The following FAM167A variants were observed in gnomAD, a reference collection of about 807,000 sequenced individuals.
FAM167A encodes the protein protein FAM167A.
In FAM167A, 23 loss-of-function variants were observed where a neutral mutation model predicts 14.9. The observed-to-expected ratio is 1.55, with a 90% CI of 1.11 to 2.19. The LOEUF (loss-of-function observed/expected upper bound fraction) is 2.19. FAM167A is among the 30% of genes most tolerant of loss of function. FAM167A has a pLI of 0.00. For missense variants in FAM167A, 401 were observed against 281.5 expected (o/e 1.42, Z -3.04); for synonymous variants, 174 against 117.7 (o/e 1.48, Z -3.10).
chr8:11,454,600 T>A (rs1378546756), intron 1 of FAM167A, among the ~76,000 whole-genome samples: 1 of 152,178 alleles, frequency 6.6e-6, no homozygotes, highest in Non-Finnish European at 1.5e-5. Context: ...CACAGAAAAT[T>A]CAGGGTGGTG....
chr8:11,468,135 A>G (rs1396437853), upstream of FAM167A, among the ~76,000 whole-genome samples: 1 of 152,118 alleles, frequency 6.6e-6, no homozygotes, highest in Non-Finnish European at 1.5e-5. Flanking sequence ...AGCGCCTCCC[A>G]AGCCAGTTAC....
At chr8:11,472,229 C>G (rs777048383), upstream of FAM167A, among the ~76,000 whole-genome samples, 2 of 152,064 alleles carry the variant, frequency 1.3e-5, no homozygotes, top group Non-Finnish European at 2.9e-5. Context: ...CAGACATGAG[C>G]GATCACCTCC....
intron 1 of FAM167A, among the ~76,000 whole-genome samples, chr8:11,462,116 G>A (rs910357506): frequency 6.6e-6 from 1 of 152,248 alleles, no homozygotes; most frequent in African/African-American, 2.4e-5. Flanking sequence ...TGGGATGTGT[G>A]ACTTTGCTTC....
At chr8:11,457,081 C>G (rs549271964) in intron 1 of FAM167A, among the ~76,000 whole-genome samples, 6 of 8,322 alleles carry the variant, frequency 7.2e-4, no homozygotes, top group Non-Finnish European at 2.5e-4. Context: ...GGGAAGTGGG[C>G]GGGGCTGGGT....
rs1180347463 is a variant in FAM167A at position 11,444,444 on chromosome 8, G to C, written c.-33C>G. The C allele has an allele frequency of 1.3e-6, 2 of 1,513,736 alleles. No homozygotes were observed. The highest frequency in any genetic ancestry group is 1.8e-6 in the Non-Finnish European group (2 of 1,132,098). The allele number at this position is 1,513,736 out of a possible 1,614,324, so 93.8% of individuals were successfully genotyped here. ...TCTGCCCTGGCAGCCGGACATGCGA[G>C]GGCACGGGGGGCGCAGGGGGAGGCT... On this transcript the variant is annotated 5_prime_UTR_variant, in exon 2 of 3. Transcript: ENST00000284486.
intron 1 of FAM167A, among the ~76,000 whole-genome samples, chr8:11,456,062 T>TG (rs1807265516): frequency 4.3e-5 from 5 of 115,898 alleles, no homozygotes; most frequent in Admixed American, 9.1e-5. Context: ...GTTGCCTTGC[T>TG]GTGTGTGAGT....
At chr8:11,430,136 C>G (rs961078484) in intron 2 of FAM167A, among the ~76,000 whole-genome samples, 1 of 152,188 alleles carries the variant, frequency 6.6e-6, no homozygotes, top group South Asian at 2.1e-4. Flanking sequence ...AATTTCCAGT[C>G]CCCGCTCCCA....
At chr8:11,464,297 G>A (rs1807663799) in intron 1 of FAM167A, among the ~76,000 whole-genome samples, 3 of 152,198 alleles carry the variant, frequency 2.0e-5, no homozygotes, top group Admixed American at 2.0e-4. Context: ...GTCCTAACCA[G>A]GGAAAAGCTG....
intron 1 of FAM167A, among the ~76,000 whole-genome samples, chr8:11,453,310 C>T (rs1023657840): frequency 4.6e-5 from 7 of 152,220 alleles, no homozygotes; most frequent in Non-Finnish European, 1.0e-4. Flanking sequence ...GTAGCTGGAA[C>T]TGCAGGCATG....
chr8:11,433,333 A>G (rs530068567), intron 2 of FAM167A, among the ~76,000 whole-genome samples: 1 of 152,340 alleles, frequency 6.6e-6, no homozygotes, highest in African/African-American at 2.4e-5. Flanking sequence ...CAATGCACGG[A>G]CCACCAGACA....
At chr8:11,437,757 T>C (rs778827641) in intron 2 of FAM167A, among the ~76,000 whole-genome samples, 8 of 152,154 alleles carry the variant, frequency 5.3e-5, no homozygotes, top group African/African-American at 7.2e-5. Flanking sequence ...GCTGTTATAA[T>C]GGGGAGGGTG....
intron 1 of FAM167A, among the ~76,000 whole-genome samples, chr8:11,462,065 C>T (rs1316552035): frequency 1.3e-5 from 2 of 152,206 alleles, no homozygotes; most frequent in Non-Finnish European, 2.9e-5. Flanking sequence ...TGGGGTTTGG[C>T]AGGGACATAT....
intron 1 of FAM167A, among the ~76,000 whole-genome samples, chr8:11,464,549 G>C (rs73663148): frequency 6.6e-6 from 1 of 152,238 alleles, no homozygotes; most frequent in African/African-American, 2.4e-5. Flanking sequence ...CCAAGTCTCG[G>C]GGTGCATTTG....
At chr8:11,453,554 C>G (rs1807110854) in intron 1 of FAM167A, among the ~76,000 whole-genome samples, 1 of 152,208 alleles carries the variant, frequency 6.6e-6, no homozygotes, top group African/African-American at 2.4e-5. Context: ...AGGGCAAGGA[C>G]TGAAACCAGC....
chr8:11,474,407 A>G (rs1264923293), intron 1 of FAM167A, among the ~76,000 whole-genome samples: 4 of 152,202 alleles, frequency 2.6e-5, no homozygotes, highest in Non-Finnish European at 5.9e-5. Context: ...ACAGACAAAC[A>G]TGCCCCGTGG....
At chr8:11,456,392 T>G (rs150477352) in intron 1 of FAM167A, among the ~76,000 whole-genome samples, 3 of 120,492 alleles carry the variant, frequency 2.5e-5, no homozygotes, top group Non-Finnish European at 3.4e-5. Context: ...GCCTGGTGTG[T>G]GTGTGAGTGT....
chr8:11,456,151 ATGTGGGG>A (rs1807277124), intron 1 of FAM167A, among the ~76,000 whole-genome samples: 8 of 5,116 alleles, frequency 1.6e-3, no homozygotes, highest in East Asian at 8.5e-3. Flanking sequence ...GTGTGTGTGA[ATGTGGGG>A]GGTGGTTGCC....
intron 2 of FAM167A, among the ~76,000 whole-genome samples, chr8:11,438,828 G>C (rs7014311): frequency 6.6e-6 from 1 of 152,178 alleles, no homozygotes; most frequent in African/African-American, 2.4e-5. Flanking sequence ...AGGCTGGGAC[G>C]AGGAATTCTC....
intron 1 of FAM167A, among the ~76,000 whole-genome samples, chr8:11,465,079 G>T (rs907623056): frequency 6.6e-6 from 1 of 152,168 alleles, no homozygotes; most frequent in Admixed American, 6.5e-5. Context: ...CCTTTCTTCT[G>T]CTTCAGGTGG....
Sources: gnomAD v4.1 joint callset for allele counts (sites outside exome capture counted in the v4.1 genomes callset) on GRCh38, gnomAD v4.1.1 for gene constraint, MANE v1.5 for transcripts, NCBI Gene and HGNC (gene_info 2026-07-23, HGNC 2026-07-21) for gene names.